The following ZMAT5 variants were observed in gnomAD, a reference collection of about 807,000 sequenced individuals.
The protein encoded by ZMAT5 is zinc finger matrin-type 5, also known as zinc finger matrin-type protein 5.
In ZMAT5, 23 loss-of-function variants were observed where a neutral mutation model predicts 28.0. The observed-to-expected ratio is 0.82, with a 90% CI of 0.59 to 1.16. ZMAT5 has a LOEUF of 1.16. ZMAT5 is among the 50% of genes most tolerant of loss of function. The pLI, the probability that ZMAT5 is intolerant of heterozygous loss-of-function variation, is 0.00. For synonymous variants in ZMAT5, 76 were observed against 84.1 expected, an observed-to-expected ratio of 0.90 and a Z score of 0.52; for missense variants, 173 against 212.7, an observed-to-expected ratio of 0.81 and a Z score of 1.16.
intron 1 of ZMAT5, among the ~76,000 whole-genome samples, chr22:29,754,959 C>T (rs1052723516): frequency 6.6e-6 from 1 of 152,080 alleles, no homozygotes; most frequent in Admixed American, 6.5e-5. Flanking sequence ...GGGCTGCCCA[C>T]CCCCTCACCC....
At chr22:29,754,278 C>T (rs970671804) in intron 1 of ZMAT5, among the ~76,000 whole-genome samples, 21 of 152,354 alleles carry the variant, frequency 1.4e-4, no homozygotes, top group Admixed American at 1.2e-3. Flanking sequence ...GGCCCCACGC[C>T]CTGCCAGAAA....
At chr22:29,739,645 A>G in intron 4 of ZMAT5, among the ~76,000 whole-genome samples, 1 of 152,146 alleles carries the variant, frequency 6.6e-6, no homozygotes, top group East Asian at 1.9e-4. Flanking sequence ...CATCGTCTCC[A>G]GTTCCAGGCC....
At chr22:29,755,360 A>AGG (rs1569340061) in intron 1 of ZMAT5, among the ~76,000 whole-genome samples, 1 of 27,466 alleles carries the variant, frequency 3.6e-5, no homozygotes, top group Non-Finnish European at 6.0e-5. Flanking sequence ...GGAGGGAGGG[A>AGG]GGGAGGGGGA....
At chr22:29,762,210 T>C (rs572751469) in intron 1 of ZMAT5, among the ~76,000 whole-genome samples, 1 of 152,328 alleles carries the variant, frequency 6.6e-6, no homozygotes, top group East Asian at 1.9e-4. Context: ...GATGAGTGTC[T>C]TGAGAAATTC....
At chr22:29,748,397 C>G in intron 2 of ZMAT5, 21 bp downstream of exon 2, 7 of 1,614,010 alleles carry the variant, frequency 4.3e-6, no homozygotes, top group Non-Finnish European at 5.1e-6. Context: ...AGGAGCCTGG[C>G]CCCCAGCCAG....
At chr22:29,754,549 C>T (rs773257572) in intron 1 of ZMAT5, among the ~76,000 whole-genome samples, 2 of 152,176 alleles carry the variant, frequency 1.3e-5, no homozygotes, top group Non-Finnish European at 2.9e-5. Flanking sequence ...CCCACAGCTG[C>T]TGAGGTTTAC....
At chr22:29,750,474 C>T (rs917531847) in intron 1 of ZMAT5, among the ~76,000 whole-genome samples, 5 of 152,220 alleles carry the variant, frequency 3.3e-5, no homozygotes, top group Non-Finnish European at 7.3e-5. Flanking sequence ...ACAGCCACCA[C>T]TCCTGACCCA....
intron 5 of ZMAT5, among the ~76,000 whole-genome samples, chr22:29,737,244 G>C (rs543942331): frequency 6.6e-6 from 1 of 151,746 alleles, no homozygotes; most frequent in African/African-American, 2.4e-5. Context: ...CAGAAGAATC[G>C]CTTGAACCCA....
At chr22:29,737,077 C>T (rs1290016320) in intron 5 of ZMAT5, among the ~76,000 whole-genome samples, 1 of 147,644 alleles carries the variant, frequency 6.8e-6, no homozygotes, top group East Asian at 2.0e-4. Context: ...AATCCCAACA[C>T]GTTGCACTTT....
At chr22:29,757,736 G>C (rs1407160145) in intron 1 of ZMAT5, among the ~76,000 whole-genome samples, 1 of 152,192 alleles carries the variant, frequency 6.6e-6, no homozygotes, top group Non-Finnish European at 1.5e-5. Flanking sequence ...AGACACTGCA[G>C]GGAGGGCATG....
intron 3 of ZMAT5, 29 bp from the exon 4 acceptor site, chr22:29,740,759 G>T: frequency 1.3e-6 from 2 of 1,566,850 alleles, no homozygotes; most frequent in Non-Finnish European, 1.7e-6. Flanking sequence ...GTTACTCGCT[G>T]CTCGGGAGGG....
At chr22:29,731,658 C>T (rs2067846665) in intron 5 of ZMAT5, 3 of 333,290 alleles carry the variant, frequency 9.0e-6, no homozygotes, top group Non-Finnish European at 1.6e-5. Context: ...GCAGAGAATG[C>T]CATGCGGCCT....
At chr22:29,760,050 A>C (rs1236625396) in intron 1 of ZMAT5, among the ~76,000 whole-genome samples, 1 of 152,054 alleles carries the variant, frequency 6.6e-6, no homozygotes, top group Non-Finnish European at 1.5e-5. Context: ...AAATACAAAA[A>C]ATTAGCTGGG....
rs1177129663 is a variant in ZMAT5, at chr22:29,731,254, G to C, written c.484C>G (p.Pro162Ala). 6.6e-7 allele frequency: 1 copy of C among 1,514,030 alleles called. No individual in the cohort carries two copies. The highest frequency in any genetic ancestry group is 1.5e-5 in the African/African-American group (1 of 68,054). The allele number at this position is 1,514,030 out of a possible 1,614,324, so 93.8% of individuals were successfully genotyped here. ...CCCCACTGGACTCTGGGCTGCAGAG[G>C]CCACCCCCCAGGTGGGGGTGCCCGC... ...SLRAPPPGGW[P>A]LQPRVQWG Residue 162 changes from proline (P) to alanine (A), a missense_variant, in exon 6 of 6, where the codon CCT becomes GCT. Coordinates refer to ENST00000344318, the MANE Select transcript of ZMAT5 (RefSeq NM_001003692.2).
chr22:29,752,392 G>A (rs2068062765), intron 1 of ZMAT5, among the ~76,000 whole-genome samples: 2 of 152,228 alleles, frequency 1.3e-5, no homozygotes, highest in South Asian at 4.2e-4. Context: ...CCACTCCATG[G>A]GGGGCAAACC....
intron 2 of ZMAT5, among the ~76,000 whole-genome samples, chr22:29,745,256 G>A (rs549412110): frequency 6.6e-6 from 1 of 152,202 alleles, no homozygotes; most frequent in African/African-American, 2.4e-5. Flanking sequence ...GGTGGTGGGG[G>A]GGCCTGGCTT....
intron 5 of ZMAT5, among the ~76,000 whole-genome samples, chr22:29,733,481 G>C (rs1424515500): frequency 1.3e-5 from 2 of 152,252 alleles, no homozygotes; most frequent in Non-Finnish European, 2.9e-5. Context: ...AGGACCCCCA[G>C]GTGTGAGAGG....
intron 5 of ZMAT5, among the ~76,000 whole-genome samples, chr22:29,736,651 C>T (rs528252624): frequency 7.8e-6 from 1 of 127,964 alleles, no homozygotes; most frequent in Non-Finnish European, 1.6e-5. Context: ...ACCCAGGAGG[C>T]GGAGGTTGCA....
At chr22:29,766,435 C>T (rs2068212875) in intron 1 of ZMAT5, among the ~76,000 whole-genome samples, 1 of 152,242 alleles carries the variant, frequency 6.6e-6, no homozygotes, top group African/African-American at 2.4e-5. Context: ...CTGCATCTCC[C>T]CACCCGCCCA....
Sources: gnomAD v4.1 joint callset for allele counts (sites outside exome capture counted in the v4.1 genomes callset) on GRCh38, gnomAD v4.1.1 for gene constraint, MANE v1.5 for transcripts, NCBI Gene and HGNC (gene_info 2026-07-23, HGNC 2026-07-21) for gene names.